The following TMTC3 variants were observed in gnomAD, a reference collection of about 807,000 sequenced individuals.
TMTC3 encodes the protein transmembrane O-mannosyltransferase targeting cadherins 3, also known as protein O-mannosyl-transferase TMTC3.
In TMTC3, 52 loss-of-function variants were observed where a neutral mutation model predicts 92.2. The observed-to-expected ratio is 0.56, with a 90% CI of 0.45 to 0.71. The LOEUF is 0.71. Among genes scored for constraint, TMTC3 ranks in the 30% least tolerant of loss-of-function variants. TMTC3 has a pLI of 0.00. For missense variants in TMTC3, 896 were observed against 1,057.1 expected (o/e 0.85, Z 2.11); for synonymous variants, 339 against 363.3 (o/e 0.93, Z 0.76).
chr12:88,196,237 A>G lies in TMTC3; in HGVS notation c.*588A>G, dbSNP rs12825549. 18,127 of 152,446 alleles carry G rather than the reference A, an allele frequency of 0.12. 1,421 individuals are homozygous for G. The highest frequency in any genetic ancestry group is 0.18 in the Non-Finnish European group (12,015 of 67,848). The allele number at this position is 152,446 out of a possible 1,614,324, so 9.4% of individuals were successfully genotyped here. ...TGTTAGCTTGAGAATGTATTTTCAT[A>G]ATTGTATACTTGTTTTTAACTTTAA... On this transcript the variant is annotated 3_prime_UTR_variant, in exon 14 of 14. Coordinates refer to ENST00000266712, the MANE Select transcript of TMTC3 (RefSeq NM_181783.4).
chr12:88,182,466 C>T (rs1174929893), intron 10 of TMTC3, among the ~76,000 whole-genome samples: 2 of 152,110 alleles, frequency 1.3e-5, no homozygotes, highest in Non-Finnish European at 2.9e-5. Context: ...TAATATCGCC[C>T]AGTAATTTTT....
At chr12:88,161,661 CTTTT>C (rs2041081152) in intron 6 of TMTC3, among the ~76,000 whole-genome samples, 1 of 151,230 alleles carries the variant, frequency 6.6e-6, no homozygotes, top group South Asian at 2.1e-4. Flanking sequence ...CCTTTGGATT[CTTTT>C]TTTAATATTT....
chr12:88,183,310 G>A (rs1367811504), intron 10 of TMTC3, among the ~76,000 whole-genome samples: 6 of 152,170 alleles, frequency 3.9e-5, no homozygotes, highest in Non-Finnish European at 5.9e-5. Flanking sequence ...GCTAGCAGCT[G>A]TTTTCTTTAA....
intron 8 of TMTC3, among the ~76,000 whole-genome samples, chr12:88,173,851 A>T (rs148657802): frequency 1.3e-5 from 2 of 152,250 alleles, no homozygotes; most frequent in Non-Finnish European, 2.9e-5. Flanking sequence ...AGGTTATCCA[A>T]GATCACACAG....
At position 88,195,237 on chromosome 12, in the gene TMTC3, G is replaced by A. The variant is rs1465073820; in HGVS notation, c.2333G>A (p.Cys778Tyr). Residue 778 changes from cysteine to tyrosine, a missense_variant, in exon 14 of 14, where the codon TGT becomes TAT. Cys to Tyr is a radical substitution (Grantham distance 194). Transcript: ENST00000266712. ...PSNVQGKHNL[C>Y]VVYFEEKDLL... ...AATGTGCAAGGAAAACACAATCTTT[G>A]TGTTGTTTATTTTGAAGAAAAAGAC... The A allele has an allele frequency of 3.1e-6, 5 of 1,613,710 alleles. No individual in the cohort carries two copies. The African/African-American group carries it at 4.0e-5, about 13-fold the overall frequency.
At chr12:88,185,132 G>A (rs771761510) in intron 10 of TMTC3, among the ~76,000 whole-genome samples, 11 of 151,944 alleles carry the variant, frequency 7.2e-5, no homozygotes, top group East Asian at 1.9e-4. Flanking sequence ...GATAAGTTTC[G>A]GCATATGTAT....
chr12:88,160,218 A>G lies in TMTC3; in HGVS notation c.613A>G (p.Ile205Val). 6.4e-7 allele frequency: 1 copy of G among 1,553,564 alleles called. No individual in the cohort carries two copies. Among genetic ancestry groups the G allele is most frequent in the African/African-American group, 1.4e-5 (1 of 72,336 alleles). Reference sequence around the variant, plus strand: ...AATTTGCTGTGTGTATGAAGTGTTTATTGCCCAGGGGGTAAGCCAAACTAT... The same window carrying G: ...AATTTGCTGTGTGTATGAAGTGTTTGTTGCCCAGGGGGTAAGCCAAACTAT... Reference protein sequence around the residue: ...VGICCVYEVFIAQGYTLPLLC... With the variant: ...VGICCVYEVFVAQGYTLPLLC... The change falls in exon 5 of 14, where the codon ATT (isoleucine) becomes GTT (valine). Residue 205 changes from isoleucine to valine, a missense_variant. By Grantham distance (29) the Ile-to-Val change is conservative (BLOSUM62 3). Coordinates refer to ENST00000266712, the MANE Select transcript of TMTC3 (RefSeq NM_181783.4).
At position 88,187,587 on chromosome 12, in the gene TMTC3, C is replaced by T. The variant is rs183459064; in HGVS notation, c.1433-1256C>T. Among the ~76,000 whole-genome samples, 4 of 152,240 alleles carry T rather than the reference C, an allele frequency of 2.6e-5. No homozygotes were observed. The East Asian group carries it at 5.8e-4, about 22-fold the overall frequency. ...CATCTAAAAAGAAAAAAATCTACTT[C>T]CTTACTCCTAAACTTATCTATAATC... is the stretch of plus-strand genomic sequence containing the variant. On this transcript the variant is annotated intron_variant, in intron 10 of 13. Coordinates refer to ENST00000266712, the MANE Select transcript of TMTC3 (RefSeq NM_181783.4).
intron 10 of TMTC3, among the ~76,000 whole-genome samples, chr12:88,180,784 C>A (rs970131867): frequency 2.0e-5 from 3 of 151,928 alleles, no homozygotes; most frequent in Non-Finnish European, 4.4e-5. Flanking sequence ...CAAGCATATT[C>A]TCTTCCCCAT....
In TMTC3 at chr12:88,191,458, A is replaced by T. The variant is rs1358193467; in HGVS notation, c.1706+836A>T. The stretch of plus-strand genomic sequence containing the variant: ...TTGTTCCTTTTATTTCTGTGCTGAT[A>T]CTATAGGAAAGAGTAGTATTATAAG... On this transcript the variant is annotated intron_variant, in intron 12 of 13. Coordinates refer to ENST00000266712, the MANE Select transcript of TMTC3 (RefSeq NM_181783.4). Among the ~76,000 whole-genome samples, 3 of 152,212 alleles carry T rather than the reference A, an allele frequency of 2.0e-5. No homozygotes were observed. In the East Asian group the frequency reaches 5.8e-4, roughly 29 times the overall value.
At chr12:88,185,531 A>G (rs910358162) in intron 10 of TMTC3, among the ~76,000 whole-genome samples, 8 of 152,312 alleles carry the variant, frequency 5.3e-5, no homozygotes, top group African/African-American at 1.9e-4. Flanking sequence ...TGTTACAAAC[A>G]TGGCTGTTAC....
At chr12:88,173,097 A>G in intron 8 of TMTC3, 1 of 1,270,038 alleles carries the variant, frequency 7.9e-7, no homozygotes, top group South Asian at 1.3e-5. Context: ...TAAGTGAGTC[A>G]TATTGAGTTA....
chr12:88,179,915 T>C (rs976440490), intron 10 of TMTC3, among the ~76,000 whole-genome samples: 3 of 152,214 alleles, frequency 2.0e-5, no homozygotes, highest in African/African-American at 7.2e-5. Context: ...TCCCTTGTTA[T>C]CTACCCTTTG....
Position 88,198,868 on chromosome 12 carries a change from T to C in TMTC3, c.*3219T>C, listed in dbSNP as rs1372849265. 1.3e-5 allele frequency: 2 copies of C among 152,672 alleles called. No homozygotes were observed. The highest frequency in any genetic ancestry group is 2.4e-5 in the African/African-American group (1 of 41,492). The allele number at this position is 152,672 out of a possible 1,614,324, so 9.5% of individuals were successfully genotyped here. On this transcript the variant is annotated 3_prime_UTR_variant, in exon 14 of 14. Coordinates refer to ENST00000266712, the MANE Select transcript of TMTC3 (RefSeq NM_181783.4). Reference sequence around the variant, plus strand: ...TATTTAAAATGAATGCCCAAAAATATCTTGTACCTTTGTCCAAAAGTTTAT... The same window carrying C: ...TATTTAAAATGAATGCCCAAAAATACCTTGTACCTTTGTCCAAAAGTTTAT...
intron 4 of TMTC3, among the ~76,000 whole-genome samples, chr12:88,155,766 A>G (rs994036200): frequency 2.6e-5 from 4 of 152,144 alleles, no homozygotes; most frequent in African/African-American, 9.7e-5. Flanking sequence ...GGTGCTTTTT[A>G]ATGATTTCTT....
Position 88,190,479 on chromosome 12 carries a change from C to T in TMTC3, c.1563C>T (p.Ala521=). 2 of 1,613,290 alleles carry T rather than the reference C, an allele frequency of 1.2e-6. No homozygotes were observed. The stretch of plus-strand genomic sequence containing the variant: ...TTATTCCTGGTAAAAAATATGCAGC[C>T]AGAATTGCCCCTAACCACCTAAATG... The part of the protein sequence containing the change: ...PQIIPGKKYA[A]RIAPNHLNVY... The change falls in exon 12 of 14, where the codon GCC becomes GCT. Residue 521 remains alanine (A), a synonymous_variant. Transcript: ENST00000266712.
chr12:88,145,390 AT>A (rs1466084301), intron 1 of TMTC3, among the ~76,000 whole-genome samples: 2 of 152,164 alleles, frequency 1.3e-5, no homozygotes, highest in African/African-American at 4.8e-5. Context: ...CCTTAATACA[AT>A]TTACAGTTTT....
chr12:88,147,054 ATAT>A (rs1217065552), intron 1 of TMTC3, among the ~76,000 whole-genome samples: 3 of 150,114 alleles, frequency 2.0e-5, no homozygotes, highest in Non-Finnish European at 4.4e-5. Flanking sequence ...TTTATTATGC[ATAT>A]TATTGTATAT....
At chr12:88,160,967 A>G in intron 6 of TMTC3, 116 bp downstream of exon 6, 3 of 1,121,072 alleles carry the variant, frequency 2.7e-6, no homozygotes, top group Non-Finnish European at 3.8e-6. Context: ...ATTAAGCTAT[A>G]ATTAACATTT....
Sources: allele counts gnomAD v4.1 joint callset (sites outside exome capture counted in the v4.1 genomes callset), GRCh38; gene constraint gnomAD v4.1.1; transcripts MANE v1.5; gene names NCBI Gene and HGNC (gene_info 2026-07-23, HGNC 2026-07-21).